Variants in VPS13B observed in about 807,000 individuals in gnomAD.
VPS13B encodes the protein intermembrane lipid transfer protein VPS13B.
Under a neutral mutation model 426.4 loss-of-function variants are expected in VPS13B, and 285 were observed. That is an observed-to-expected ratio of 0.67 (90% CI 0.61 to 0.74). The LOEUF (loss-of-function observed/expected upper bound fraction) is 0.74, where lower values mean the gene tolerates loss of function less well. VPS13B is among the 30% of genes least tolerant of loss of function. VPS13B has a pLI of 0.00. For missense variants in VPS13B, 4,537 were observed against 4,782.6 expected (o/e 0.95, Z 1.51); for synonymous variants, 1,676 against 1,676.4 (o/e 1.00, Z 0.01).
chr8:99,345,460 G>A (rs2133196667), intron 19 of VPS13B, among the ~76,000 whole-genome samples: 1 of 152,208 alleles, frequency 6.6e-6, no homozygotes, highest in South Asian at 2.1e-4. Flanking sequence ...CTATATAAAG[G>A]AATGAGTTTG....
chr8:99,738,636 T>C (rs192873088), intron 39 of VPS13B, among the ~76,000 whole-genome samples: 1 of 152,336 alleles, frequency 6.6e-6, no homozygotes, highest in East Asian at 1.9e-4. Context: ...CATACAACCT[T>C]ACATTTTTTT....
At chr8:99,668,583 C>T (rs1830579551) in intron 35 of VPS13B, among the ~76,000 whole-genome samples, 1 of 152,004 alleles carries the variant, frequency 6.6e-6, no homozygotes. Flanking sequence ...TCCCCTATTT[C>T]TTCTGTTCAC....
intron 3 of VPS13B, among the ~76,000 whole-genome samples, chr8:99,069,120 C>T (rs1397431327): frequency 6.6e-6 from 1 of 152,066 alleles, no homozygotes; most frequent in Non-Finnish European, 1.5e-5. Flanking sequence ...ATAATACCTA[C>T]ATAATTTGAG....
intron 51 of VPS13B, among the ~76,000 whole-genome samples, chr8:99,826,086 G>GT (rs1563493866): frequency 6.6e-6 from 1 of 152,146 alleles, no homozygotes; most frequent in African/African-American, 2.4e-5. Context: ...GTTTAAAGTA[G>GT]TTTTTTCTAA....
At position 99,275,215 on chromosome 8, in the gene VPS13B, A is replaced by G. The variant is rs1222718209; in HGVS notation, c.2785A>G (p.Ile929Val). The change falls in exon 19 of 62, where the codon ATC (isoleucine) becomes GTC (valine). Residue 929 changes from isoleucine to valine, a missense_variant. Ile to Val is a conservative substitution (Grantham distance 29, BLOSUM62 3). This residue lies in a region of VPS13B where 4,311 missense variants were observed against 4,474.3 expected (regional missense o/e 0.96). Transcript: ENST00000357162. ...LLAPDLMAFTIQVPQYIDYCH... is the reference protein window; with the variant it reads ...LLAPDLMAFTVQVPQYIDYCH... ...AGCTCCAGATTTGATGGCCTTCACA[A>G]TCCAAGTTCCACAATATATTGACTA... 1.9e-6 allele frequency: 3 copies of G among 1,612,884 alleles called. No homozygotes were observed. Among genetic ancestry groups the G allele is most frequent in the Non-Finnish European group, 8.5e-7 (1 of 1,179,484 alleles).
At chr8:99,238,233 T>C (rs1318755897) in intron 17 of VPS13B, among the ~76,000 whole-genome samples, 1 of 150,700 alleles carries the variant, frequency 6.6e-6, no homozygotes, top group Non-Finnish European at 1.5e-5. Flanking sequence ...AGTGTAAGAG[T>C]TTGTGGGAGT....
At chr8:99,235,516 G>A (rs1816591448) in intron 17 of VPS13B, among the ~76,000 whole-genome samples, 3 of 152,030 alleles carry the variant, frequency 2.0e-5, no homozygotes, top group Admixed American at 2.0e-4. Flanking sequence ...CAGAATGTTG[G>A]GTAAGTTTAG....
intron 43 of VPS13B, among the ~76,000 whole-genome samples, chr8:99,808,807 AAG>A (rs1364383185): frequency 1.3e-4 from 19 of 146,330 alleles, no homozygotes; most frequent in African/African-American, 5.0e-4. Flanking sequence ...AAAAAAAAAA[AAG>A]AACAAATACA....
intron 27 of VPS13B, among the ~76,000 whole-genome samples, chr8:99,506,401 T>A (rs762439542): frequency 3.7e-4 from 56 of 152,240 alleles, no homozygotes; most frequent in Non-Finnish European, 6.9e-4. Context: ...ATTTTTAATG[T>A]CATGAATATT....
At chr8:99,393,434 TAAAC>T (rs1000345383) in intron 21 of VPS13B, among the ~76,000 whole-genome samples, 6 of 152,198 alleles carry the variant, frequency 3.9e-5, no homozygotes, top group East Asian at 3.9e-4. Context: ...TATGAAAACA[TAAAC>T]AACACATTTT....
intron 35 of VPS13B, among the ~76,000 whole-genome samples, chr8:99,677,848 G>C (rs1384708814): frequency 6.6e-6 from 1 of 152,162 alleles, no homozygotes; most frequent in Admixed American, 6.5e-5. Flanking sequence ...AGTAAGCCAA[G>C]TTAGAAGAGA....
chr8:99,349,348 A>AAAG (rs1351428023), intron 19 of VPS13B, among the ~76,000 whole-genome samples: 1 of 149,606 alleles, frequency 6.7e-6, no homozygotes, highest in Non-Finnish European at 1.5e-5. Flanking sequence ...AAAAAAAAAA[A>AAAG]AAAAAAAGAA....
At chr8:99,550,041 G>A (rs1325890949) in intron 30 of VPS13B, among the ~76,000 whole-genome samples, 2 of 152,054 alleles carry the variant, frequency 1.3e-5, no homozygotes, top group Non-Finnish European at 1.5e-5. Context: ...ACATTAGACT[G>A]TAAGTGTTAT....
intron 33 of VPS13B, among the ~76,000 whole-genome samples, chr8:99,596,717 C>T (rs1827035795): frequency 6.6e-6 from 1 of 152,064 alleles, no homozygotes; most frequent in Admixed American, 6.6e-5. Context: ...TGTCGTCACA[C>T]CCAGCTCCAA....
chr8:99,441,635 A>G (rs1325975744), intron 22 of VPS13B, among the ~76,000 whole-genome samples: 1 of 152,068 alleles, frequency 6.6e-6, no homozygotes, highest in East Asian at 1.9e-4. Flanking sequence ...AGTCACGATG[A>G]ATTCAGTTTT....
At chr8:99,143,427 A>G (rs1398593794) in intron 13 of VPS13B, among the ~76,000 whole-genome samples, 1 of 152,066 alleles carries the variant, frequency 6.6e-6, no homozygotes, top group Non-Finnish European at 1.5e-5. Context: ...TACTTTTTCT[A>G]GTGGATACTT....
chr8:99,853,823 C>G lies in VPS13B; in HGVS notation c.10434C>G (p.Ile3478Met), dbSNP rs767292600. 4.3e-6 allele frequency: 7 copies of G among 1,614,226 alleles called. No individual in the cohort carries two copies. Among genetic ancestry groups the G allele is most frequent in the Non-Finnish European group, 3.4e-6 (4 of 1,180,034 alleles). Residue 3478 changes from isoleucine (I) to methionine (M), a missense_variant, in exon 56 of 62, where the codon ATC (isoleucine) becomes ATG (methionine). Coordinates refer to ENST00000357162, the MANE Select transcript of VPS13B (RefSeq NM_152564.5). ...ELEEYKEKCF[I>M]KLCITLNEGK... is the part of the protein sequence containing the mutation. Reference sequence around the variant, plus strand: ...AAGAATACAAGGAAAAATGTTTTATCAAACTTTGCATCACCTTAAATGAAG... The same window carrying G: ...AAGAATACAAGGAAAAATGTTTTATGAAACTTTGCATCACCTTAAATGAAG...
intron 3 of VPS13B, among the ~76,000 whole-genome samples, chr8:99,089,535 A>G (rs1187636985): frequency 6.6e-6 from 1 of 152,178 alleles, no homozygotes; most frequent in Non-Finnish European, 1.5e-5. Context: ...CGTTAGGAGG[A>G]AGGGGCTTCC....
At chr8:99,203,767 A>G in intron 17 of VPS13B, among the ~76,000 whole-genome samples, 1 of 152,342 alleles carries the variant, frequency 6.6e-6, no homozygotes, top group South Asian at 2.1e-4. Flanking sequence ...CAATTTTTAC[A>G]AAGAGAATAA....
Sources: allele counts gnomAD v4.1 joint callset (sites outside exome capture counted in the v4.1 genomes callset), GRCh38; gene constraint gnomAD v4.1.1; regional missense constraint gnomAD v4.1.1; transcripts MANE v1.5; gene names NCBI Gene and HGNC (gene_info 2026-07-23, HGNC 2026-07-21).